The following ADGRL4 variants were observed in gnomAD, a reference collection of about 807,000 sequenced individuals.
ADGRL4 encodes adhesion G protein-coupled receptor L4.
In ADGRL4, 90 loss-of-function variants were observed where a neutral mutation model predicts 74.8. The observed-to-expected ratio is 1.20, with a 90% confidence interval of 1.02 to 1.43. The LOEUF is 1.43. Among genes scored for constraint, ADGRL4 ranks in the 40% most tolerant of loss-of-function variants. ADGRL4 has a pLI of 0.00. For synonymous variants in ADGRL4, 311 were observed against 279.2 expected, an observed-to-expected ratio of 1.11 and a Z score of -1.14; for missense variants, 881 against 814.3, an observed-to-expected ratio of 1.08 and a Z score of -1.00.
intron 2 of ADGRL4, among the ~76,000 whole-genome samples, chr1:79,004,671 G>A (rs1264355487): frequency 6.6e-6 from 1 of 151,978 alleles, no homozygotes; most frequent in African/African-American, 2.4e-5. Context: ...TGTATATGTG[G>A]TATCATATAC....
intron 12 of ADGRL4, among the ~76,000 whole-genome samples, chr1:78,900,219 C>T (rs566848103): frequency 1.3e-5 from 2 of 152,172 alleles, no homozygotes; most frequent in South Asian, 4.1e-4. Flanking sequence ...CTTAGTCCCA[C>T]AACTGCATGG....
At chr1:78,943,150 C>T (rs1198883302) in intron 3 of ADGRL4, among the ~76,000 whole-genome samples, 1 of 151,806 alleles carries the variant, frequency 6.6e-6, no homozygotes, top group Non-Finnish European at 1.5e-5. Flanking sequence ...TTTTCAAAGA[C>T]AAAATTTAAT....
chr1:78,889,974 A>G lies in ADGRL4; in HGVS notation c.*1180T>C, dbSNP rs189005444. 24 of 280,354 alleles carry G rather than the reference A, an allele frequency of 8.6e-5. 1 individual carries two copies. The East Asian group carries it at 2.5e-3, about 29-fold the overall frequency. The allele number at this position is 280,354 out of a possible 1,614,324, so 17.4% of individuals were successfully genotyped here. ...AGATAGAAGCTATATATTTAAGCAG[A>G]TATGATTTAATAGATAGTAGAAAAC... On this transcript the variant is annotated 3_prime_UTR_variant, in exon 15 of 15. Coordinates refer to ENST00000370742, the MANE Select transcript of ADGRL4 (RefSeq NM_022159.4).
At chr1:78,926,042 T>C (rs1360434113) in intron 8 of ADGRL4, among the ~76,000 whole-genome samples, 3 of 152,214 alleles carry the variant, frequency 2.0e-5, no homozygotes, top group Non-Finnish European at 2.9e-5. Flanking sequence ...TTTTTATACA[T>C]TTAGTTTCTC....
intron 2 of ADGRL4, among the ~76,000 whole-genome samples, chr1:78,991,173 T>C (rs914179768): frequency 1.2e-4 from 19 of 152,076 alleles, no homozygotes; most frequent in African/African-American, 4.3e-4. Context: ...TGTGTTCTTG[T>C]CCTTCAGAGG....
intron 2 of ADGRL4, among the ~76,000 whole-genome samples, chr1:78,950,282 C>T (rs984049560): frequency 2.0e-5 from 3 of 152,042 alleles, no homozygotes; most frequent in Admixed American, 2.0e-4. Context: ...TGGAGTCCTG[C>T]AGGAACAGCG....
chr1:78,992,859 T>A (rs1650635902), intron 2 of ADGRL4, among the ~76,000 whole-genome samples: 1 of 152,116 alleles, frequency 6.6e-6, no homozygotes, highest in South Asian at 2.1e-4. Flanking sequence ...TAACAAACTA[T>A]ACAAATCTAT....
chr1:78,989,570 T>C (rs1165192497), intron 2 of ADGRL4, among the ~76,000 whole-genome samples: 2 of 151,816 alleles, frequency 1.3e-5, no homozygotes, highest in Admixed American at 6.6e-5. Flanking sequence ...CTTCTAGGTA[T>C]GTCCCGAAGT....
rs146339890 is a variant in ADGRL4 at position 78,919,709 on chromosome 1, C to A, written c.1461+474G>T. On this transcript the variant is annotated intron_variant, in intron 10 of 14. Transcript: ENST00000370742. ...GACCCAGACCAATACAATATGAAAC[C>A]TTTTGGGAAGGTTCAAATGGTTCAA... Among the ~76,000 whole-genome samples the A allele has an allele frequency of 2.2e-3, 337 of 151,896 alleles. 1 individual carries two copies. The highest frequency in any genetic ancestry group is 0.017 in the Middle Eastern group (5 of 294).
At chr1:78,903,259 T>G (rs1648556840) in intron 12 of ADGRL4, among the ~76,000 whole-genome samples, 1 of 152,166 alleles carries the variant, frequency 6.6e-6, no homozygotes, top group South Asian at 2.1e-4. Context: ...CTATTTAGTT[T>G]TAATAAAGTA....
intron 13 of ADGRL4, 23 bp downstream of exon 13, chr1:78,893,075 A>AAAATT: frequency 7.2e-7 from 1 of 1,386,036 alleles, no homozygotes; most frequent in Non-Finnish European, 9.8e-7. Context: ...AAAAAAAAAA[A>AAAATT]GTGAACTTAA....
At chr1:78,988,945 T>C (rs1451436205) in intron 2 of ADGRL4, among the ~76,000 whole-genome samples, 1 of 151,904 alleles carries the variant, frequency 6.6e-6, no homozygotes, top group Non-Finnish European at 1.5e-5. Flanking sequence ...ATTCTGCAAG[T>C]CTTTTTACAA....
At chr1:78,943,690 T>C (rs1484260791) in intron 3 of ADGRL4, among the ~76,000 whole-genome samples, 1 of 152,214 alleles carries the variant, frequency 6.6e-6, no homozygotes, top group Non-Finnish European at 1.5e-5. Flanking sequence ...TGTTTCTCTG[T>C]TCAAATTCCC....
intron 12 of ADGRL4, among the ~76,000 whole-genome samples, chr1:78,905,008 A>G (rs7528069): frequency 0.039 from 5,924 of 152,150 alleles, 154 homozygotes; most frequent in Middle Eastern, 0.058. Context: ...TTGGATAATT[A>G]TTGTTTTGTG....
Position 79,006,661 on chromosome 1 carries a change from T to C in ADGRL4, c.-7A>G. 1 of 1,498,478 alleles carries C rather than the reference T, an allele frequency of 6.7e-7. No individual in the cohort carries two copies. Among genetic ancestry groups the C allele is most frequent in the Non-Finnish European group, 8.9e-7 (1 of 1,125,804 alleles). The allele number at this position is 1,498,478 out of a possible 1,614,324, so 92.8% of individuals were successfully genotyped here. Reference sequence around the variant, plus strand: ...GGAGCGGGAGGCGTTTCATTGGCGGTGGCCGCAGTGGTGGCGGTGGCGGAG... The same window carrying C: ...GGAGCGGGAGGCGTTTCATTGGCGGCGGCCGCAGTGGTGGCGGTGGCGGAG... On this transcript the variant is annotated 5_prime_UTR_variant, in exon 1 of 15. Coordinates refer to ENST00000370742, the MANE Select transcript of ADGRL4 (RefSeq NM_022159.4).
At chr1:78,945,003 A>G (rs1034663303) in intron 3 of ADGRL4, among the ~76,000 whole-genome samples, 18 of 151,830 alleles carry the variant, frequency 1.2e-4, no homozygotes, top group African/African-American at 4.1e-4. Flanking sequence ...TGCCTCTACT[A>G]AAATACAAAA....
Position 78,891,597 on chromosome 1 carries a change from G to C in ADGRL4, c.1937C>G (p.Ala646Gly), listed in dbSNP as rs1235291798. The C allele has an allele frequency of 6.2e-7, 1 of 1,613,466 alleles. No homozygotes were observed. The highest frequency in any genetic ancestry group is 1.3e-5 in the African/African-American group (1 of 74,880). The change falls in exon 14 of 15, where the codon GCT becomes GGT. Residue 646 changes from alanine to glycine, a missense_variant. Transcript: ENST00000370742. ...AGCATTGCTGACTGTGAAGAGGTAA[G>C]CTGTAACCACTGATGCGTGCACAAC... Reference protein sequence around the residue: ...LHVVHASVVTAYLFTVSNAFQ... With the variant: ...LHVVHASVVTGYLFTVSNAFQ...
chr1:78,974,960 A>C (rs1650247291), intron 2 of ADGRL4, among the ~76,000 whole-genome samples: 2 of 152,166 alleles, frequency 1.3e-5, no homozygotes, highest in African/African-American at 4.8e-5. Flanking sequence ...TTGAGAATTA[A>C]GGAATGGGCA....
chr1:78,964,339 A>G (rs1408096924), intron 2 of ADGRL4, among the ~76,000 whole-genome samples: 2 of 152,152 alleles, frequency 1.3e-5, no homozygotes, highest in African/African-American at 4.8e-5. Flanking sequence ...CTTTTATGAC[A>G]AGCACTGAAG....
Sources: gnomAD v4.1 joint callset for allele counts (sites outside exome capture counted in the v4.1 genomes callset) on GRCh38, gnomAD v4.1.1 for gene constraint, MANE v1.5 for transcripts, NCBI Gene and HGNC (gene_info 2026-07-23, HGNC 2026-07-21) for gene names.